The following NIPBL variants were observed in gnomAD, a reference collection of about 807,000 sequenced individuals.
The protein encoded by NIPBL is nipped-B-like protein.
A neutral mutation model predicts 321.8 loss-of-function variants in NIPBL; 19 were observed. The ratio of observed to expected loss-of-function variants is 0.06; its 90% confidence interval spans 0.04 to 0.09. The LOEUF (loss-of-function observed/expected upper bound fraction) is 0.09. Ranked by LOEUF, NIPBL falls within the 10% of genes least tolerant of loss-of-function variation. NIPBL has a pLI of 1.00. For missense variants in NIPBL, 2,210 were observed against 3,327.0 expected (o/e 0.66, Z 8.26); for synonymous variants, 1,106 against 1,114.1 (o/e 0.99, Z 0.14).
At chr5:37,049,729 A>G (rs1252853985) in intron 40 of NIPBL, among the ~76,000 whole-genome samples, 3 of 152,222 alleles carry the variant, frequency 2.0e-5, no homozygotes, top group African/African-American at 7.2e-5. Flanking sequence ...TAAGTTGGGT[A>G]TAACACCAAC....
intron 1 of NIPBL, among the ~76,000 whole-genome samples, chr5:36,902,788 T>C (rs771052133): frequency 1.2e-4 from 19 of 152,206 alleles, no homozygotes; most frequent in Non-Finnish European, 2.2e-4. Context: ...TGGTTTTTTT[T>C]CCTAATTCTG....
chr5:36,978,223 A>G (rs894080698), intron 9 of NIPBL, among the ~76,000 whole-genome samples: 9 of 152,084 alleles, frequency 5.9e-5, no homozygotes, highest in African/African-American at 1.7e-4. Context: ...ATTCCCACCA[A>G]CAGTGTGTAA....
At chr5:36,918,384 G>C (rs1388566159) in intron 1 of NIPBL, among the ~76,000 whole-genome samples, 1 of 152,136 alleles carries the variant, frequency 6.6e-6, no homozygotes, top group African/African-American at 2.4e-5. Flanking sequence ...TGTATCCTGA[G>C]ACTTTGCTGA....
intron 1 of NIPBL, among the ~76,000 whole-genome samples, chr5:36,894,221 TAAG>T (rs1192913516): frequency 6.6e-6 from 1 of 152,096 alleles, no homozygotes; most frequent in Non-Finnish European, 1.5e-5. Context: ...AGGTATTTGA[TAAG>T]AAGCAAAGAA....
chr5:36,952,834 C>T (rs558652438), intron 1 of NIPBL, among the ~76,000 whole-genome samples: 1 of 152,112 alleles, frequency 6.6e-6, no homozygotes, highest in Admixed American at 6.5e-5. Flanking sequence ...ATTAAGTAAT[C>T]GTGCAAGATT....
rs1755330117 is a variant in NIPBL, at chr5:37,066,198, A to G, written c.*1306A>G. 1.3e-5 allele frequency: 2 copies of G among 152,202 alleles called. No individual in the cohort carries two copies. The highest frequency in any genetic ancestry group is 4.1e-4 in the South Asian group (2 of 4,832). The allele number at this position is 152,202 out of a possible 1,614,324, so 9.4% of individuals were successfully genotyped here. On this transcript the variant is annotated 3_prime_UTR_variant, in exon 47 of 47. Transcript: ENST00000282516. ...TGATATGTATAGTTGACACTCAGGA[A>G]TAGTAATGCCTAAAATTTACAGTGG...
intron 12 of NIPBL, 44 bp from the exon 13 acceptor site, chr5:37,000,773 A>T (rs1746701962): frequency 6.6e-7 from 1 of 1,505,040 alleles, no homozygotes. Flanking sequence ...AATTATTTTA[A>T]GTTGTCAGTC....
At chr5:37,021,093 G>A (rs1749577101) in intron 27 of NIPBL, among the ~76,000 whole-genome samples, 1 of 152,192 alleles carries the variant, frequency 6.6e-6, no homozygotes, top group African/African-American at 2.4e-5. Flanking sequence ...GAGGTCAAGA[G>A]TTCGAGACCA....
chr5:36,992,246 G>A (rs1354986914), intron 10 of NIPBL, among the ~76,000 whole-genome samples: 1 of 152,098 alleles, frequency 6.6e-6, no homozygotes, highest in East Asian at 1.9e-4. Context: ...AAGTAGTTAG[G>A]ACAAAAGAAA....
At chr5:36,879,027 T>C (rs768186251) in intron 1 of NIPBL, among the ~76,000 whole-genome samples, 2 of 152,152 alleles carry the variant, frequency 1.3e-5, no homozygotes, top group African/African-American at 4.8e-5. Context: ...ACGGGAGGAA[T>C]ACTTCACATC....
chr5:36,998,204 A>C (rs1326782872), intron 11 of NIPBL, among the ~76,000 whole-genome samples: 3 of 152,096 alleles, frequency 2.0e-5, no homozygotes, highest in Non-Finnish European at 2.9e-5. Context: ...TAATGAGAGA[A>C]ATGGAGAAAG....
chr5:36,970,814 A>T, intron 6 of NIPBL, 62 bp from the exon 7 acceptor site: 1 of 1,358,094 alleles, frequency 7.4e-7, no homozygotes, highest in Non-Finnish European at 1.0e-6. Flanking sequence ...GTGAATAATT[A>T]CTATTCTCCA....
chr5:36,890,291 C>CT (rs1193725790), intron 1 of NIPBL, among the ~76,000 whole-genome samples: 1 of 152,090 alleles, frequency 6.6e-6, no homozygotes, highest in East Asian at 1.9e-4. Context: ...AGTAGAATCT[C>CT]TTAAGTGGAA....
At chr5:36,898,492 A>G (rs945272018) in intron 1 of NIPBL, among the ~76,000 whole-genome samples, 5 of 150,746 alleles carry the variant, frequency 3.3e-5, no homozygotes, top group African/African-American at 1.2e-4. Flanking sequence ...AAGAAATCAA[A>G]CCTATGTTTT....
intron 1 of NIPBL, among the ~76,000 whole-genome samples, chr5:36,923,525 C>T (rs1422148101): frequency 6.6e-6 from 1 of 152,060 alleles, no homozygotes; most frequent in African/African-American, 2.4e-5. Context: ...GACCAGTTTC[C>T]TGCTTTTATA....
At chr5:36,934,064 A>C (rs978642952) in intron 1 of NIPBL, among the ~76,000 whole-genome samples, 9 of 152,108 alleles carry the variant, frequency 5.9e-5, no homozygotes, top group African/African-American at 2.2e-4. Context: ...ATGTTTGTAT[A>C]TGACCACCTG....
Position 36,886,189 on chromosome 5 carries a change from A to G in NIPBL, c.-80+9011A>G, listed in dbSNP as rs550540230. 9.1e-5 allele frequency: 59 copies of G among 649,470 alleles called. No homozygotes were observed. The African/African-American group carries it at 9.3e-4, about 10-fold the overall frequency. The allele number at this position is 649,470 out of a possible 1,614,324, so 40.2% of individuals were successfully genotyped here. A position where few individuals can be genotyped will look rare whatever the true frequency, so the allele number is the denominator to read the frequency against. On this transcript the variant is annotated intron_variant, in intron 1 of 46. Transcript: ENST00000282516. ...GGAGAACAGCCTGAGGGAGGTGGAG[A>G]CCTGCTATGCCCTGCAGGTAGAGCA...
At chr5:36,898,417 A>G (rs1207199122) in intron 1 of NIPBL, among the ~76,000 whole-genome samples, 3 of 152,160 alleles carry the variant, frequency 2.0e-5, no homozygotes, top group Non-Finnish European at 4.4e-5. Flanking sequence ...GATATTTTTG[A>G]GACAATTGAG....
At chr5:36,923,663 A>G (rs1424979057) in intron 1 of NIPBL, among the ~76,000 whole-genome samples, 1 of 152,202 alleles carries the variant, frequency 6.6e-6, no homozygotes, top group Non-Finnish European at 1.5e-5. Flanking sequence ...CTGCAGTCAC[A>G]GAAGTAGTCT....
Sources: allele counts gnomAD v4.1 joint callset (sites outside exome capture counted in the v4.1 genomes callset), GRCh38; gene constraint gnomAD v4.1.1; transcripts MANE v1.5; gene names NCBI Gene and HGNC (gene_info 2026-07-23, HGNC 2026-07-21).